Variants in PDE5A observed in about 807,000 individuals in gnomAD.
The protein encoded by PDE5A is phosphodiesterase 5A.
A neutral mutation model predicts 110.2 loss-of-function variants in PDE5A; 67 were observed. That is an observed-to-expected ratio of 0.61 (90% CI 0.50 to 0.75). The LOEUF (loss-of-function observed/expected upper bound fraction) is 0.75, where lower values mean the gene tolerates loss of function less well. Ranked by LOEUF, PDE5A falls within the 30% of genes least tolerant of loss-of-function variation. The pLI, the probability that PDE5A is intolerant of heterozygous loss-of-function variation, is 0.00. For synonymous variants in PDE5A, 328 were observed against 351.2 expected (o/e 0.93, Z 0.74); for missense variants, 862 against 1,045.1 (o/e 0.82, Z 2.42).
intron 3 of PDE5A, among the ~76,000 whole-genome samples, chr4:119,583,592 A>T (rs1728661731): frequency 6.6e-6 from 1 of 152,172 alleles, no homozygotes; most frequent in Non-Finnish European, 1.5e-5. Context: ...TGCCTTCCTC[A>T]CTAAGCTTAT....
intron 2 of PDE5A, among the ~76,000 whole-genome samples, chr4:119,603,495 C>T (rs544820089): frequency 4.5e-4 from 69 of 152,274 alleles, no homozygotes; most frequent in African/African-American, 1.6e-3. Context: ...GTACAGGTAG[C>T]ATTTACCAAC....
At chr4:119,564,452 TAAGA>T (rs949305467) in intron 5 of PDE5A, among the ~76,000 whole-genome samples, 5 of 152,094 alleles carry the variant, frequency 3.3e-5, no homozygotes, top group Non-Finnish European at 4.4e-5. Flanking sequence ...TAGTGGAATC[TAAGA>T]AAGCAATGAA....
chr4:119,517,630 C>T lies in PDE5A; in HGVS notation c.2000+1415G>A, dbSNP rs61104134. ...TCTTTTTTTTTTTTGGAGAAGATGACGTTTCTCCAGATGTTTTTGGGGTAA... is the reference window on the plus strand; with the variant it reads ...TCTTTTTTTTTTTTGGAGAAGATGATGTTTCTCCAGATGTTTTTGGGGTAA... On this transcript the variant is annotated intron_variant, in intron 14 of 20. Coordinates refer to ENST00000354960, the MANE Select transcript of PDE5A (RefSeq NM_001083.4). 7.8e-3 allele frequency among the ~76,000 whole-genome samples: 1,139 copies of T among 145,240 alleles called. 19 individuals carry two copies. The highest frequency in any genetic ancestry group is 0.028 in the African/African-American group (1,079 of 39,050).
intron 2 of PDE5A, among the ~76,000 whole-genome samples, chr4:119,601,733 C>A (rs1729356184): frequency 6.6e-6 from 1 of 151,980 alleles, no homozygotes; most frequent in Non-Finnish European, 1.5e-5. Context: ...AGTGCTAACT[C>A]CATGAGGTTA....
chr4:119,624,548 G>A (rs973078313), intron 1 of PDE5A, among the ~76,000 whole-genome samples: 2 of 152,150 alleles, frequency 1.3e-5, no homozygotes, highest in Admixed American at 1.3e-4. Flanking sequence ...TTTGATCCAA[G>A]CTGTCATAAA....
chr4:119,554,003 A>T (rs1727454451), intron 7 of PDE5A, among the ~76,000 whole-genome samples: 1 of 152,152 alleles, frequency 6.6e-6, no homozygotes. Context: ...CTCATCGCAA[A>T]TGGGCATGGT....
rs925967572 is a variant in PDE5A, at chr4:119,516,844, C to T, written c.2000+2201G>A. Among the ~76,000 whole-genome samples, 13 of 152,334 alleles carry T rather than the reference C, an allele frequency of 8.5e-5. No individual in the cohort carries two copies. The South Asian group carries it at 2.7e-3, about 32-fold the overall frequency. ...CCATATTGGCCAGCCTGGTCTCGAA[C>T]TCCTGACCTCGTGATCCACCTGTCT... is the stretch of plus-strand genomic sequence containing the variant. On this transcript the variant is annotated intron_variant, in intron 14 of 20. Transcript: ENST00000354960.
intron 2 of PDE5A, among the ~76,000 whole-genome samples, chr4:119,603,863 T>G (rs1276323726): frequency 6.6e-6 from 1 of 152,190 alleles, no homozygotes; most frequent in Non-Finnish European, 1.5e-5. Context: ...TTTTTACAGA[T>G]GCATGTTTAA....
intron 11 of PDE5A, among the ~76,000 whole-genome samples, chr4:119,531,704 T>TC (rs1726549205): frequency 6.6e-6 from 1 of 152,062 alleles, no homozygotes; most frequent in South Asian, 2.1e-4. Context: ...TGATGTTCCC[T>TC]CCCCCACCTA....
intron 20 of PDE5A, chr4:119,500,943 C>T: frequency 2.0e-6 from 1 of 497,842 alleles, no homozygotes; most frequent in Non-Finnish European, 3.6e-6. Flanking sequence ...CTTAGCATCC[C>T]CAAATCAATT....
intron 11 of PDE5A, among the ~76,000 whole-genome samples, chr4:119,530,313 T>C (rs1036089056): frequency 6.6e-6 from 1 of 152,134 alleles, no homozygotes; most frequent in Non-Finnish European, 1.5e-5. Context: ...TTTATGGCTT[T>C]CCTAAAACAG....
At chr4:119,588,094 C>G (rs368496026) in intron 3 of PDE5A, among the ~76,000 whole-genome samples, 4 of 151,970 alleles carry the variant, frequency 2.6e-5, no homozygotes, top group African/African-American at 9.7e-5. Flanking sequence ...GAATATTGGA[C>G]TCATTTAACA....
chr4:119,525,611 G>T lies in PDE5A; in HGVS notation c.1717C>A (p.Leu573Met). 1.9e-6 allele frequency: 3 copies of T among 1,613,220 alleles called. No homozygotes were observed. The highest frequency in any genetic ancestry group is 2.2e-5 in the East Asian group (1 of 44,836). The change falls in exon 12 of 21, where the codon CTG (leucine) becomes ATG (methionine). Residue 573 changes from leucine to methionine, a missense_variant. By Grantham distance (15) the Leu-to-Met change is conservative. Coordinates refer to ENST00000354960, the MANE Select transcript of PDE5A (RefSeq NM_001083.4). This position sits in a 1 kb window ranked among gnomAD's most constrained non-coding sequence, Gnocchi z 4.3. ...TCAGTAAACATCCGAATTGTACACA[G>T]TGCTGTTTCCAGATCAGACAGCTCA... The part of the protein sequence containing the change: ...DFELSDLETA[L>M]CTIRMFTDLN...
intron 17 of PDE5A, 128 bp from the exon 18 acceptor site, chr4:119,504,727 A>C (rs1725498476): frequency 1.8e-6 from 1 of 557,502 alleles, no homozygotes; most frequent in Admixed American, 3.5e-5. Flanking sequence ...TATAAAGACC[A>C]AAGAAAAAGA....
At chr4:119,604,023 T>G (rs1200588111) in intron 2 of PDE5A, among the ~76,000 whole-genome samples, 1 of 152,178 alleles carries the variant, frequency 6.6e-6, no homozygotes, top group East Asian at 1.9e-4. Context: ...TCAATATAAA[T>G]TAGATCACAA....
At chr4:119,601,446 AC>A (rs1729343237) in intron 2 of PDE5A, among the ~76,000 whole-genome samples, 1 of 146,892 alleles carries the variant, frequency 6.8e-6, no homozygotes, top group African/African-American at 2.5e-5. Context: ...ACACCACCCC[AC>A]CCCCCGCCAC....
chr4:119,591,701 C>T (rs1045825461), intron 3 of PDE5A, among the ~76,000 whole-genome samples: 3 of 152,162 alleles, frequency 2.0e-5, no homozygotes, highest in South Asian at 2.1e-4. Flanking sequence ...ATAACAGCCA[C>T]GCTTGATAGT....
At chr4:119,568,072 C>T (rs917473069) in intron 3 of PDE5A, among the ~76,000 whole-genome samples, 1 of 151,848 alleles carries the variant, frequency 6.6e-6, no homozygotes, top group Admixed American at 6.6e-5. Context: ...GATAGCAGAA[C>T]AAGGAAGGGG....
intron 11 of PDE5A, among the ~76,000 whole-genome samples, chr4:119,532,220 A>C (rs1466286064): frequency 1.3e-5 from 2 of 152,150 alleles, no homozygotes; most frequent in Non-Finnish European, 2.9e-5. Context: ...AAAACACATA[A>C]ACCAAGTTCA....
Sources: gnomAD v4.1 joint callset for allele counts (sites outside exome capture counted in the v4.1 genomes callset) on GRCh38, gnomAD v4.1.1 for gene constraint, Gnocchi (gnomAD v3.1) non-coding constraint, MANE v1.5 for transcripts, NCBI Gene and HGNC (gene_info 2026-07-23, HGNC 2026-07-21) for gene names.